The following ATG4C variants were observed in gnomAD, a reference collection of about 807,000 sequenced individuals.
The protein encoded by ATG4C is cysteine protease ATG4C.
ATG4C carries 56 observed loss-of-function variants against 57.6 expected under a neutral mutation model. That is an observed-to-expected ratio of 0.97 (90% CI 0.78 to 1.21). The LOEUF (loss-of-function observed/expected upper bound fraction) is 1.21, where lower values mean the gene tolerates loss of function less well. Among genes scored for constraint, ATG4C ranks in the 50% most tolerant of loss-of-function variants. The pLI, the probability that ATG4C is intolerant of heterozygous loss-of-function variation, is 0.00. For synonymous variants in ATG4C, 157 were observed against 174.1 expected (o/e 0.90, Z 0.78); for missense variants, 595 against 529.8 (o/e 1.12, Z -1.21).
chr1:62,829,434 AT>A (rs1460985803), intron 7 of ATG4C, among the ~76,000 whole-genome samples: 1 of 152,160 alleles, frequency 6.6e-6, no homozygotes, highest in Non-Finnish European at 1.5e-5. Context: ...AGCAATAATC[AT>A]AACCTGTAAT....
intron 6 of ATG4C, among the ~76,000 whole-genome samples, chr1:62,825,942 C>G (rs1489812508): frequency 6.6e-6 from 1 of 152,006 alleles, no homozygotes; most frequent in African/African-American, 2.4e-5. Context: ...GAATCTCGCT[C>G]TGTTGTCCAG....
chr1:62,788,975 T>C (rs2100273935), intron 1 of ATG4C, among the ~76,000 whole-genome samples: 1 of 152,334 alleles, frequency 6.6e-6, no homozygotes, highest in Admixed American at 6.5e-5. Context: ...GTGATTAAGT[T>C]TGATCACTTA....
intron 1 of ATG4C, among the ~76,000 whole-genome samples, chr1:62,788,430 TACAC>T (rs10671530): frequency 0.029 from 4,264 of 146,510 alleles, 99 homozygotes; most frequent in East Asian, 0.066. Context: ...TCTCTATAAA[TACAC>T]ACACACACAC....
chr1:62,821,911 G>C (rs183829728), intron 6 of ATG4C, among the ~76,000 whole-genome samples: 1 of 152,034 alleles, frequency 6.6e-6, no homozygotes, highest in Non-Finnish European at 1.5e-5. Flanking sequence ...AGTTTTGACC[G>C]TGTTTTGATT....
chr1:62,797,927 C>G (rs560257309), intron 1 of ATG4C, among the ~76,000 whole-genome samples: 22 of 152,248 alleles, frequency 1.4e-4, no homozygotes, highest in Admixed American at 7.2e-4. Context: ...TGAAGCAATT[C>G]TTCTGCCACA....
intron 1 of ATG4C, among the ~76,000 whole-genome samples, chr1:62,786,298 C>T (rs74076989): frequency 0.061 from 9,245 of 152,152 alleles, 899 homozygotes; most frequent in African/African-American, 0.2. Context: ...ATAGAGTGAA[C>T]AAGAAAAGTC....
At chr1:62,836,430 G>A (rs1666001937) in intron 9 of ATG4C, among the ~76,000 whole-genome samples, 1 of 151,896 alleles carries the variant, frequency 6.6e-6, no homozygotes. Context: ...GAAAATTCCT[G>A]TTAAAAATTT....
Position 62,801,958 on chromosome 1 carries a change from CAAAAA to C in ATG4C, c.-68-1738_-68-1734del, listed in dbSNP as rs60298362. Among the ~76,000 whole-genome samples, 108 of 51,890 alleles carry C rather than the reference CAAAAA, an allele frequency of 2.1e-3. 1 individual carries two copies. Among genetic ancestry groups the C allele is most frequent in the African/African-American group, 6.2e-3 (100 of 16,038 alleles). The allele number at this position is 51,890 out of a possible 152,430, so 34.0% of individuals were successfully genotyped here. A position where few individuals can be genotyped will look rare whatever the true frequency, so the allele number is the denominator to read the frequency against. On this transcript the variant is annotated intron_variant, in intron 1 of 10. Coordinates refer to ENST00000317868, the MANE Select transcript of ATG4C (RefSeq NM_032852.4). ...GGGGGACAGAGCAAGACTCTGTCTC[CAAAAA>C]AAAAAAAAAAAAAAAAAAAAAAGAA...
intron 3 of ATG4C, among the ~76,000 whole-genome samples, chr1:62,805,955 G>A (rs1041520743): frequency 6.6e-6 from 1 of 152,072 alleles, no homozygotes; most frequent in Non-Finnish European, 1.5e-5. Flanking sequence ...GTGTGAGAAC[G>A]AGAGAGAGTG....
rs1454837615 is a variant in ATG4C, at chr1:62,819,112, G to A, written c.502G>A (p.Glu168Lys). Residue 168 changes from glutamate to lysine, a missense_variant, in exon 5 of 11, where the codon GAA (glutamate) becomes AAA (lysine). By Grantham distance (56) the Glu-to-Lys change is moderately conservative. Coordinates refer to ENST00000317868, the MANE Select transcript of ATG4C (RefSeq NM_032852.4). ...ATCATTTGAAGCATCACTTTCAGGG[G>A]AAAGAGAATTCAAAACCCCAACAAT... is the stretch of plus-strand genomic sequence containing the variant. ...TASFEASLSG[E>K]REFKTPTISL... 6.2e-7 allele frequency: 1 copy of A among 1,613,232 alleles called. No homozygotes were observed. The highest frequency in any genetic ancestry group is 8.5e-7 in the Non-Finnish European group (1 of 1,179,564).
intron 7 of ATG4C, among the ~76,000 whole-genome samples, chr1:62,832,492 C>T (rs912736425): frequency 2.0e-5 from 3 of 152,120 alleles, no homozygotes; most frequent in South Asian, 4.1e-4. Context: ...TCTGTCCTCA[C>T]GTGGCAGAGG....
At chr1:62,810,456 A>G (rs561307070) in intron 3 of ATG4C, among the ~76,000 whole-genome samples, 63 of 152,146 alleles carry the variant, frequency 4.1e-4, no homozygotes, top group East Asian at 1.3e-3. Flanking sequence ...TAATGCTAAC[A>G]TTTTCTTTTT....
chr1:62,848,577 A>G (rs1260577585), intron 10 of ATG4C, among the ~76,000 whole-genome samples: 1 of 152,214 alleles, frequency 6.6e-6, no homozygotes, highest in Non-Finnish European at 1.5e-5. Context: ...TGTAAATATA[A>G]TGCAAATAAT....
chr1:62,856,650 GATCCTTAC>G (rs1207976170), intron 10 of ATG4C, among the ~76,000 whole-genome samples: 1 of 152,214 alleles, frequency 6.6e-6, no homozygotes, highest in Non-Finnish European at 1.5e-5. Context: ...GCATGTTTGT[GATCCTTAC>G]ATTATACTAG....
At chr1:62,805,132 A>G (rs755315826) in intron 2 of ATG4C, 40 bp from the exon 3 acceptor site, 3 of 1,508,814 alleles carry the variant, frequency 2.0e-6, no homozygotes, top group East Asian at 2.6e-5. Flanking sequence ...AAATCTTTTA[A>G]TTACAAAACG....
At chr1:62,806,494 G>A (rs1034154395) in intron 3 of ATG4C, among the ~76,000 whole-genome samples, 1 of 151,806 alleles carries the variant, frequency 6.6e-6, no homozygotes, top group Non-Finnish European at 1.5e-5. Context: ...AAACTTATTA[G>A]AATTATTCTT....
chr1:62,801,890 G>A (rs1299408157), intron 1 of ATG4C, among the ~76,000 whole-genome samples: 3 of 146,554 alleles, frequency 2.0e-5, no homozygotes, highest in African/African-American at 5.1e-5. Context: ...CCGGGGAGGC[G>A]GAGCTTGCAG....
At chr1:62,813,819 T>C (rs944872689) in intron 3 of ATG4C, among the ~76,000 whole-genome samples, 2 of 152,162 alleles carry the variant, frequency 1.3e-5, no homozygotes, top group Admixed American at 1.3e-4. Context: ...AGAAGACATT[T>C]ATGCAGCCAA....
chr1:62,813,587 A>G (rs1326845162), intron 3 of ATG4C, among the ~76,000 whole-genome samples: 3 of 152,228 alleles, frequency 2.0e-5, no homozygotes, highest in Non-Finnish European at 2.9e-5. Flanking sequence ...ACAAAAGCCA[A>G]AATTGACAGA....
Sources: allele counts gnomAD v4.1 joint callset (sites outside exome capture counted in the v4.1 genomes callset), GRCh38; gene constraint gnomAD v4.1.1; transcripts MANE v1.5; gene names NCBI Gene and HGNC (gene_info 2026-07-23, HGNC 2026-07-21).